The following CERS3 variants were observed in gnomAD, a reference collection of about 807,000 sequenced individuals.
CERS3 encodes the protein ceramide synthase 3, also known as LAG1 homolog, ceramide synthase 3.
In CERS3, 33 loss-of-function variants were observed where a neutral mutation model predicts 50.3. The ratio of observed to expected loss-of-function variants is 0.66; its 90% CI spans 0.50 to 0.88. The LOEUF is 0.88. CERS3 is among the 40% of genes least tolerant of loss of function. The pLI is 0.00. For synonymous variants in CERS3, 176 were observed against 155.2 expected, an observed-to-expected ratio of 1.13 and a Z score of -0.99; for missense variants, 470 against 460.3, an observed-to-expected ratio of 1.02 and a Z score of -0.19.
At chr15:100,491,000 A>C in intron 3 of CERS3, 69 bp from the exon 4 acceptor site, 1 of 917,760 alleles carries the variant, frequency 1.1e-6, no homozygotes, top group South Asian at 1.5e-5. Flanking sequence ...CAGAAAATTA[A>C]AGCTGTAACT....
At chr15:100,459,348 T>C (rs558320953) in intron 10 of CERS3, among the ~76,000 whole-genome samples, 1 of 152,178 alleles carries the variant, frequency 6.6e-6, no homozygotes, top group South Asian at 2.1e-4. Flanking sequence ...CAGGCAGGAG[T>C]GCAGAGGCAT....
In CERS3 at chr15:100,472,910, T is replaced by G. The variant is rs1317289978; in HGVS notation, c.738+14A>C. ...CATGGTATTGTCATTAGTTTTTTAA[T>G]GGCAAACGTTTACCTCCAGCCAAAT... On this transcript the variant is annotated intron_variant, in intron 9 of 11. Coordinates refer to ENST00000679737, the MANE Select transcript of CERS3 (RefSeq NM_001378789.1). 1 of 1,613,772 alleles carries G rather than the reference T, an allele frequency of 6.2e-7. No individual in the cohort carries two copies. The highest frequency in any genetic ancestry group is 1.1e-5 in the South Asian group (1 of 91,084).
chr15:100,506,467 C>CCCCCCCG (rs1379148818), intron 2 of CERS3, among the ~76,000 whole-genome samples: 3 of 15,476 alleles, frequency 1.9e-4, no homozygotes, highest in Non-Finnish European at 7.5e-4. Context: ...CGGGACCCCC[C>CCCCCCCG]CGCCGCCCCA....
intron 11 of CERS3, among the ~76,000 whole-genome samples, chr15:100,409,560 T>C (rs1432319096): frequency 6.6e-6 from 1 of 152,170 alleles, no homozygotes; most frequent in Admixed American, 6.5e-5. Flanking sequence ...AAGTATGCTC[T>C]AGGGGGAACA....
intron 11 of CERS3, among the ~76,000 whole-genome samples, chr15:100,403,255 G>T (rs552057221): frequency 6.6e-6 from 1 of 152,164 alleles, no homozygotes; most frequent in East Asian, 1.9e-4. Context: ...GTTCAATGCA[G>T]CTAAAATATG....
intron 1 of CERS3, among the ~76,000 whole-genome samples, chr15:100,541,961 G>A (rs940808047): frequency 1.3e-5 from 2 of 151,980 alleles, no homozygotes; most frequent in African/African-American, 2.4e-5. Context: ...TTAAATGTCT[G>A]GAGTAACCAT....
chr15:100,423,100 T>TA (rs139391682), intron 11 of CERS3, among the ~76,000 whole-genome samples: 22 of 148,530 alleles, frequency 1.5e-4, no homozygotes, highest in South Asian at 8.5e-4. Flanking sequence ...AAAAAAATGT[T>TA]AAAAAAAAAA....
chr15:100,458,486 T>C (rs1434682178), intron 10 of CERS3, among the ~76,000 whole-genome samples: 1 of 151,488 alleles, frequency 6.6e-6, no homozygotes, highest in Admixed American at 6.6e-5. Context: ...CTTGGGATGC[T>C]GAGGGAAGAG....
chr15:100,500,544 A>G (rs1270409607), intron 3 of CERS3: 1 of 152,262 alleles, frequency 6.6e-6, no homozygotes, highest in African/African-American at 2.4e-5. Context: ...TGCCAAATTC[A>G]AAGATCACCG....
chr15:100,408,409 G>A (rs2031226156), intron 11 of CERS3, among the ~76,000 whole-genome samples: 1 of 152,152 alleles, frequency 6.6e-6, no homozygotes, highest in Non-Finnish European at 1.5e-5. Context: ...TGCAAGCACA[G>A]CACTGGCCAA....
intron 11 of CERS3, among the ~76,000 whole-genome samples, chr15:100,442,899 A>T (rs1487821497): frequency 6.6e-6 from 1 of 151,472 alleles, no homozygotes; most frequent in Non-Finnish European, 1.5e-5. Flanking sequence ...CCTTCTTTAC[A>T]AAGGCCTGTT....
chr15:100,479,107 A>T (rs72759124), intron 7 of CERS3, among the ~76,000 whole-genome samples: 6,294 of 152,236 alleles, frequency 0.041, 180 homozygotes, highest in Non-Finnish European at 0.055. Context: ...ATGAAAAAGA[A>T]TAGTATTTTT....
At position 100,441,309 on chromosome 15, in the gene CERS3, C is replaced by T. The variant is rs374653373; in HGVS notation, c.999+14584G>A. 7.8e-4 allele frequency among the ~76,000 whole-genome samples: 118 copies of T among 151,110 alleles called. 1 individual carries two copies. The highest frequency in any genetic ancestry group is 2.5e-3 in the African/African-American group (104 of 41,116). On this transcript the variant is annotated intron_variant, in intron 11 of 11. Coordinates refer to ENST00000679737, the MANE Select transcript of CERS3 (RefSeq NM_001378789.1). ...GCCCTGATCCCTTATTTCTGCACCC[C>T]GACCTCTTATCTCTGTGCCCCGATC...
chr15:100,482,869 A>G (rs1429447369), intron 5 of CERS3, among the ~76,000 whole-genome samples: 1 of 152,216 alleles, frequency 6.6e-6, no homozygotes, highest in Admixed American at 6.5e-5. Context: ...CACATCCCAC[A>G]GCTGATTTTT....
chr15:100,449,062 CAGGGCCTG>C (rs1309749125), intron 11 of CERS3, among the ~76,000 whole-genome samples: 1 of 152,222 alleles, frequency 6.6e-6, no homozygotes, highest in African/African-American at 2.4e-5. Context: ...TGCACCACAG[CAGGGCCTG>C]AGGATAGGTC....
chr15:100,474,911 T>C (rs1431933445), intron 8 of CERS3, among the ~76,000 whole-genome samples: 1 of 152,202 alleles, frequency 6.6e-6, no homozygotes. Flanking sequence ...TCCCAATAGC[T>C]TTATGTTTCT....
At chr15:100,521,449 A>G (rs2036636890) in intron 2 of CERS3, among the ~76,000 whole-genome samples, 1 of 152,250 alleles carries the variant, frequency 6.6e-6, no homozygotes, top group Admixed American at 6.5e-5. Flanking sequence ...CTGTCACATG[A>G]AGCTTTCTCC....
intron 11 of CERS3, among the ~76,000 whole-genome samples, chr15:100,433,629 C>G (rs1413968855): frequency 6.6e-6 from 1 of 152,156 alleles, no homozygotes; most frequent in Non-Finnish European, 1.5e-5. Flanking sequence ...CAACTTCTCC[C>G]TTTGCCCAGC....
chr15:100,448,973 A>G (rs1262626548), intron 11 of CERS3, among the ~76,000 whole-genome samples: 1 of 152,188 alleles, frequency 6.6e-6, no homozygotes, highest in Non-Finnish European at 1.5e-5. Context: ...AACCACCTGC[A>G]GGTGCTGCCA....
Sources: allele counts gnomAD v4.1 joint callset (sites outside exome capture counted in the v4.1 genomes callset), GRCh38; gene constraint gnomAD v4.1.1; transcripts MANE v1.5; gene names NCBI Gene and HGNC (gene_info 2026-07-23, HGNC 2026-07-21).